ASIC2: variants seen among roughly 807,000 people sequenced by gnomAD.
The protein encoded by ASIC2 is acid-sensing ion channel 2.
In ASIC2, 25 loss-of-function variants were observed where a neutral mutation model predicts 57.3. The ratio of observed to expected loss-of-function variants is 0.44; its 90% CI spans 0.32 to 0.61. The LOEUF is 0.61. Among genes scored for constraint, ASIC2 ranks in the 20% least tolerant of loss-of-function variants. The pLI, the probability that ASIC2 is intolerant of heterozygous loss-of-function variation, is 0.06. For missense variants in ASIC2, 641 were observed against 738.1 expected, an observed-to-expected ratio of 0.87 and a Z score of 1.52; for synonymous variants, 319 against 307.5, an observed-to-expected ratio of 1.04 and a Z score of -0.39.
intron 1 of ASIC2, among the ~76,000 whole-genome samples, chr17:33,772,925 C>T (rs554270088): frequency 1.3e-5 from 2 of 152,174 alleles, no homozygotes; most frequent in South Asian, 2.1e-4. Context: ...AGTGTGGGGG[C>T]GGATTAAAAG....
At chr17:33,620,193 G>A (rs560675898) in intron 1 of ASIC2, among the ~76,000 whole-genome samples, 29 of 147,344 alleles carry the variant, frequency 2.0e-4, no homozygotes, top group Non-Finnish European at 1.8e-4. Flanking sequence ...CAACTGATGG[G>A]CTGTTGGAAA....
intron 1 of ASIC2, among the ~76,000 whole-genome samples, chr17:34,079,729 G>A (rs889501649): frequency 3.3e-5 from 5 of 152,204 alleles, no homozygotes; most frequent in African/African-American, 1.2e-4. Flanking sequence ...AGAATTTAAG[G>A]AAATGCTCTC....
intron 1 of ASIC2, among the ~76,000 whole-genome samples, chr17:33,305,091 A>G (rs923551674): frequency 8.5e-5 from 13 of 152,198 alleles, no homozygotes; most frequent in Non-Finnish European, 5.9e-5. Flanking sequence ...GCTTTAATTA[A>G]TTGAGGCTAG....
At chr17:33,804,557 G>T (rs1440664923) in intron 1 of ASIC2, among the ~76,000 whole-genome samples, 2 of 152,238 alleles carry the variant, frequency 1.3e-5, no homozygotes, top group Non-Finnish European at 2.9e-5. Flanking sequence ...CTTTGCTGGT[G>T]CTGGGTGCTG....
intron 1 of ASIC2, among the ~76,000 whole-genome samples, chr17:33,673,897 C>CTTTTTTTTTTTTT (rs574986885): frequency 1.4e-5 from 2 of 141,156 alleles, no homozygotes; most frequent in African/African-American, 5.4e-5. Flanking sequence ...GCATCCGTGT[C>CTTTTTTTTTTTTT]TTTTTTTTTT....
At chr17:34,037,782 G>C in intron 1 of ASIC2, 5 of 1,614,188 alleles carry the variant, frequency 3.1e-6, no homozygotes, top group Non-Finnish European at 4.2e-6. Flanking sequence ...GCCAAGCATC[G>C]TCGAATCAAC....
chr17:33,860,346 C>G (rs1914072733), intron 1 of ASIC2, among the ~76,000 whole-genome samples: 1 of 152,182 alleles, frequency 6.6e-6, no homozygotes, highest in Non-Finnish European at 1.5e-5. Flanking sequence ...CTTTCTGGGT[C>G]TGATCCTCTC....
At chr17:34,025,884 T>G (rs1224666493) in intron 1 of ASIC2, among the ~76,000 whole-genome samples, 1 of 152,228 alleles carries the variant, frequency 6.6e-6, no homozygotes, top group East Asian at 1.9e-4. Context: ...AAATCAAGAA[T>G]GATTATAAAA....
chr17:33,258,582 C>T (rs1303417704), intron 1 of ASIC2, among the ~76,000 whole-genome samples: 1 of 152,068 alleles, frequency 6.6e-6, no homozygotes, highest in Non-Finnish European at 1.5e-5. Flanking sequence ...TACAGCGGCC[C>T]TGAGGTGGTA....
At chr17:33,648,127 T>C (rs1432136282) in intron 1 of ASIC2, among the ~76,000 whole-genome samples, 1 of 152,214 alleles carries the variant, frequency 6.6e-6, no homozygotes, top group Non-Finnish European at 1.5e-5. Context: ...AATGTAGTAT[T>C]ATCAAGATGA....
chr17:33,705,195 T>A lies in ASIC2; in HGVS notation c.555+450783A>T, dbSNP rs780473272. Among the ~76,000 whole-genome samples the A allele has an allele frequency of 2.6e-5, 4 of 152,344 alleles. No individual in the cohort carries two copies. The South Asian group carries it at 6.2e-4, about 24-fold the overall frequency. On this transcript the variant is annotated intron_variant, in intron 1 of 9. Coordinates refer to the ASIC2 transcript ENST00000359872. ...TACATGAGTAATGTATGTTCATTATTCAAGAACACTATGGAGTTAGATAAT... is the reference window on the plus strand; with the variant it reads ...TACATGAGTAATGTATGTTCATTATACAAGAACACTATGGAGTTAGATAAT...
intron 1 of ASIC2, among the ~76,000 whole-genome samples, chr17:33,753,538 T>C (rs1441938324): frequency 6.6e-6 from 1 of 152,294 alleles, no homozygotes; most frequent in East Asian, 1.9e-4. Flanking sequence ...CAATGAACAA[T>C]TCGTGAATGG....
chr17:33,538,148 A>G (rs1597773531), intron 1 of ASIC2, among the ~76,000 whole-genome samples: 2 of 152,170 alleles, frequency 1.3e-5, no homozygotes, highest in African/African-American at 2.4e-5. Context: ...ACTCTTTTTA[A>G]CCTTCCTGCC....
In ASIC2 at chr17:33,761,090, A is replaced by T. The variant is rs548534195; in HGVS notation, c.555+394888T>A. Among the ~76,000 whole-genome samples, 6 of 152,212 alleles carry T rather than the reference A, an allele frequency of 3.9e-5. No homozygotes were observed. In the East Asian group the frequency reaches 1.2e-3, roughly 29 times the overall value. ...AGACATTCCTCATTCATCTGTTCTA[A>T]ATCCAAAGGCAGCAGCTCATGACAC... On this transcript the variant is annotated intron_variant, in intron 1 of 9. Transcript: ENST00000359872.
chr17:34,113,731 C>T (rs1911347666), intron 1 of ASIC2, among the ~76,000 whole-genome samples: 1 of 151,644 alleles, frequency 6.6e-6, no homozygotes, highest in Non-Finnish European at 1.5e-5. Context: ...AAAAAATTGC[C>T]GGGTGCAGTG....
chr17:33,641,594 A>G (rs1224097292), intron 1 of ASIC2, among the ~76,000 whole-genome samples: 1 of 152,250 alleles, frequency 6.6e-6, no homozygotes, highest in Non-Finnish European at 1.5e-5. Flanking sequence ...ATGTATGGAC[A>G]CATGCAGTGG....
chr17:33,019,764 A>ATTCAGAGC (rs1021609065), intron 7 of ASIC2, among the ~76,000 whole-genome samples: 4 of 151,970 alleles, frequency 2.6e-5, no homozygotes, highest in Non-Finnish European at 1.5e-5. Flanking sequence ...GACATGACAA[A>ATTCAGAGC]TTCAGAGCTC....
At chr17:33,863,814 G>T (rs1932700) in intron 1 of ASIC2, among the ~76,000 whole-genome samples, 42,615 of 151,852 alleles carry the variant, frequency 0.28, 6,169 homozygotes, top group African/African-American at 0.31. Context: ...TGGGCACAGA[G>T]CCTTGGCAGA....
chr17:33,749,534 C>A (rs563342305), intron 1 of ASIC2, among the ~76,000 whole-genome samples: 51 of 152,168 alleles, frequency 3.4e-4, no homozygotes, highest in Admixed American at 1.2e-3. Context: ...GTGGTCCCAA[C>A]CTTAGCACCA....
Sources: gnomAD v4.1 joint callset for allele counts (sites outside exome capture counted in the v4.1 genomes callset) on GRCh38, gnomAD v4.1.1 for gene constraint, MANE v1.5 for transcripts, NCBI Gene and HGNC (gene_info 2026-07-23, HGNC 2026-07-21) for gene names.